AUTS2: variants seen among roughly 807,000 people sequenced by gnomAD.
AUTS2 encodes the protein autism susceptibility gene 2 protein.
A neutral mutation model predicts 112.4 loss-of-function variants in AUTS2; 17 were observed. That is an observed-to-expected ratio of 0.15 (90% CI 0.10 to 0.23). The LOEUF is 0.23. Among genes scored for constraint, AUTS2 ranks in the 10% least tolerant of loss-of-function variants. The pLI is 1.00. For synonymous variants in AUTS2, 751 were observed against 702.7 expected (o/e 1.07, Z -1.09); for missense variants, 1,510 against 1,701.6 (o/e 0.89, Z 1.98).
At chr7:70,531,760 G>C (rs949419851) in intron 5 of AUTS2, among the ~76,000 whole-genome samples, 2 of 152,132 alleles carry the variant, frequency 1.3e-5, no homozygotes, top group Non-Finnish European at 2.9e-5. Context: ...ATTTTACCAT[G>C]AGATTTGGAG....
intron 1 of AUTS2, among the ~76,000 whole-genome samples, chr7:69,826,886 G>C (rs1372913298): frequency 6.6e-6 from 1 of 152,152 alleles, no homozygotes; most frequent in Non-Finnish European, 1.5e-5. Flanking sequence ...TCTAGTATGT[G>C]TTCTATGCTG....
At chr7:70,401,771 C>T (rs983673270) in intron 4 of AUTS2, among the ~76,000 whole-genome samples, 2 of 152,228 alleles carry the variant, frequency 1.3e-5, no homozygotes, top group African/African-American at 2.4e-5. Flanking sequence ...GGGCAGAACT[C>T]TAGCTCCTCT....
intron 1 of AUTS2, among the ~76,000 whole-genome samples, chr7:69,817,235 G>A (rs959492757): frequency 6.6e-6 from 1 of 152,202 alleles, no homozygotes; most frequent in African/African-American, 2.4e-5. Flanking sequence ...TAAGATATAA[G>A]CAGGATGCTG....
At chr7:70,589,145 C>T (rs897016374) in intron 5 of AUTS2, among the ~76,000 whole-genome samples, 4 of 152,242 alleles carry the variant, frequency 2.6e-5, no homozygotes, top group African/African-American at 9.6e-5. Context: ...TAGCACTGGC[C>T]TCCTGGTGGC....
At chr7:70,609,180 T>A (rs1405643397) in intron 5 of AUTS2, among the ~76,000 whole-genome samples, 1 of 152,164 alleles carries the variant, frequency 6.6e-6, no homozygotes, top group African/African-American at 2.4e-5. Context: ...TCCTTCTGTC[T>A]AGCTGAAATT....
intron 1 of AUTS2, among the ~76,000 whole-genome samples, chr7:69,874,254 C>G (rs1196616014): frequency 6.6e-6 from 1 of 151,990 alleles, no homozygotes; most frequent in Non-Finnish European, 1.5e-5. Flanking sequence ...GACGTGAAGA[C>G]ACACTTGGCA....
intron 2 of AUTS2, among the ~76,000 whole-genome samples, chr7:69,963,257 C>T (rs185718015): frequency 6.6e-6 from 1 of 152,030 alleles, no homozygotes; most frequent in Non-Finnish European, 1.5e-5. Flanking sequence ...TGTTATATCT[C>T]TGTGTGTGTT....
At chr7:69,741,191 G>A (rs1787248824) in intron 1 of AUTS2, among the ~76,000 whole-genome samples, 1 of 152,146 alleles carries the variant, frequency 6.6e-6, no homozygotes, top group Admixed American at 6.5e-5. Flanking sequence ...GGACACACAT[G>A]TGATTTCTGA....
rs187197537 is a variant in AUTS2 at position 70,345,990 on chromosome 7, T to C, written c.661-89762T>C. The stretch of plus-strand genomic sequence containing the variant: ...TCTATCATTTTTTTTTTCACCTGGC[T>C]GTCATCTGGTATATTCTCAAAAGGA... On this transcript the variant is annotated intron_variant, in intron 4 of 18. Coordinates refer to ENST00000342771, the MANE Select transcript of AUTS2 (RefSeq NM_015570.4). 9.7e-4 allele frequency among the ~76,000 whole-genome samples: 147 copies of C among 152,316 alleles called. 3 individuals carry two copies. Among genetic ancestry groups the C allele is most frequent in the Non-Finnish European group, 1.3e-4 (9 of 68,022 alleles).
At chr7:69,957,331 A>C (rs1489698960) in intron 2 of AUTS2, among the ~76,000 whole-genome samples, 1 of 151,986 alleles carries the variant, frequency 6.6e-6, no homozygotes, top group East Asian at 1.9e-4. Flanking sequence ...CTATATAGTC[A>C]TATCTAGTAG....
chr7:70,433,079 A>G (rs996916897), intron 4 of AUTS2, among the ~76,000 whole-genome samples: 1 of 152,218 alleles, frequency 6.6e-6, no homozygotes, highest in Non-Finnish European at 1.5e-5. Context: ...TCTGGAGACA[A>G]GGTGCTTCTG....
chr7:70,764,206 C>G (rs1228233573), intron 7 of AUTS2, among the ~76,000 whole-genome samples: 1 of 152,068 alleles, frequency 6.6e-6, no homozygotes, highest in Non-Finnish European at 1.5e-5. Context: ...TTCCTCCTTC[C>G]CCAAGGAGCC....
chr7:70,736,968 A>G (rs1246524162), intron 6 of AUTS2, among the ~76,000 whole-genome samples: 1 of 152,164 alleles, frequency 6.6e-6, no homozygotes, highest in African/African-American at 2.4e-5. Flanking sequence ...GGTTCCAGCT[A>G]GGTTAACAAC....
intron 5 of AUTS2, among the ~76,000 whole-genome samples, chr7:70,502,973 G>A (rs1190209274): frequency 6.6e-6 from 1 of 152,028 alleles, no homozygotes; most frequent in Non-Finnish European, 1.5e-5. Flanking sequence ...ACACTGCTTT[G>A]CCCATTAAAT....
At chr7:70,553,561 A>C (rs980398646) in intron 5 of AUTS2, among the ~76,000 whole-genome samples, 3 of 152,154 alleles carry the variant, frequency 2.0e-5, no homozygotes, top group African/African-American at 7.2e-5. Context: ...CTTTGTAGGC[A>C]ATACAGAAAA....
intron 4 of AUTS2, among the ~76,000 whole-genome samples, chr7:70,308,754 C>T (rs938862250): frequency 6.6e-6 from 1 of 152,182 alleles, no homozygotes; most frequent in African/African-American, 2.4e-5. Flanking sequence ...TATCCTTTCT[C>T]AGACATGTGC....
chr7:70,050,019 C>T (rs1008332068), intron 2 of AUTS2, among the ~76,000 whole-genome samples: 2 of 152,072 alleles, frequency 1.3e-5, no homozygotes, highest in African/African-American at 4.8e-5. Flanking sequence ...AATTATCAAA[C>T]TGAAGCCTTT....
At chr7:69,750,533 T>G (rs1209104386) in intron 1 of AUTS2, among the ~76,000 whole-genome samples, 1 of 151,118 alleles carries the variant, frequency 6.6e-6, no homozygotes, top group Non-Finnish European at 1.5e-5. Flanking sequence ...AGAGAGAGGG[T>G]CTCCCAGGCT....
intron 2 of AUTS2, among the ~76,000 whole-genome samples, chr7:70,075,201 A>G (rs187460536): frequency 2.4e-4 from 36 of 152,324 alleles, no homozygotes; most frequent in Admixed American, 4.6e-4. Context: ...AACAAGTCTC[A>G]ACATAGCTCA....
Sources: allele counts gnomAD v4.1 joint callset (sites outside exome capture counted in the v4.1 genomes callset), GRCh38; gene constraint gnomAD v4.1.1; transcripts MANE v1.5; gene names NCBI Gene and HGNC (gene_info 2026-07-23, HGNC 2026-07-21).